PRKCB: variants seen among roughly 807,000 people sequenced by gnomAD.
PRKCB encodes protein kinase C beta.
PRKCB carries 13 observed loss-of-function variants against 81.5 expected under a neutral mutation model. The ratio of observed to expected loss-of-function variants is 0.16; its 90% CI spans 0.10 to 0.25. PRKCB has a LOEUF of 0.25. Among genes scored for constraint, PRKCB ranks in the 10% least tolerant of loss-of-function variants. The pLI is 1.00. For synonymous variants in PRKCB, 335 were observed against 321.4 expected, an observed-to-expected ratio of 1.04 and a Z score of -0.45; for missense variants, 509 against 875.7, an observed-to-expected ratio of 0.58 and a Z score of 5.29.
intron 5 of PRKCB, among the ~76,000 whole-genome samples, chr16:24,048,422 G>A (rs1360271422): frequency 6.6e-6 from 1 of 152,006 alleles, no homozygotes; most frequent in Non-Finnish European, 1.5e-5. Flanking sequence ...CTGGCACTAA[G>A]TACATCAGTG....
chr16:23,978,748 A>G (rs1232866230), intron 2 of PRKCB, among the ~76,000 whole-genome samples: 2 of 152,208 alleles, frequency 1.3e-5, no homozygotes, highest in Admixed American at 6.5e-5. Flanking sequence ...CTGCTGTCCA[A>G]TAAGACTTTC....
intron 12 of PRKCB, among the ~76,000 whole-genome samples, chr16:24,176,512 C>G (rs563633989): frequency 1.3e-5 from 2 of 152,234 alleles, no homozygotes; most frequent in African/African-American, 4.8e-5. Flanking sequence ...TGAAATGGCA[C>G]ATGGAAATCC....
intron 2 of PRKCB, among the ~76,000 whole-genome samples, chr16:23,974,072 AG>A (rs1964593672): frequency 6.6e-6 from 1 of 152,272 alleles, no homozygotes; most frequent in Non-Finnish European, 1.5e-5. Context: ...ATATTTGCTC[AG>A]GGCAGGGGGC....
rs1055326407 is a variant in PRKCB, at chr16:24,000,996, T to A, written c.288+12406T>A. On this transcript the variant is annotated intron_variant, in intron 3 of 16. Coordinates refer to ENST00000643927, the MANE Select transcript of PRKCB (RefSeq NM_002738.7). ...TAATACCTAAATAAAGCGGTTTTTT[T>A]TTTTTTGGTAACTATTCAATAGGAG... Among the ~76,000 whole-genome samples the A allele has an allele frequency of 1.5e-3, 227 of 152,244 alleles. 1 individual carries two copies. The highest frequency in any genetic ancestry group is 3.4e-3 in the Middle Eastern group (1 of 294).
chr16:24,097,323 T>C (rs760162132), intron 7 of PRKCB, among the ~76,000 whole-genome samples: 20 of 152,072 alleles, frequency 1.3e-4, no homozygotes, highest in Non-Finnish European at 2.2e-4. Context: ...GGTGTGAGCC[T>C]CCGTGCCCAG....
intron 9 of PRKCB, 68 bp from the exon 10 acceptor site, chr16:24,154,616 C>G (rs1377086945): frequency 5.3e-6 from 8 of 1,510,086 alleles, no homozygotes; most frequent in Non-Finnish European, 7.3e-6. Flanking sequence ...TACAAATGAA[C>G]ACCAGCTGCT....
At chr16:24,024,935 A>G (rs564964636) in intron 3 of PRKCB, among the ~76,000 whole-genome samples, 75 of 152,242 alleles carry the variant, frequency 4.9e-4, no homozygotes, top group African/African-American at 1.7e-3. Context: ...AGCAGGAAGG[A>G]GGAGGGAAGA....
Position 24,044,672 on chromosome 16 carries a change from T to C in PRKCB, c.529+9125T>C, listed in dbSNP as rs1276654463. 2.0e-5 allele frequency among the ~76,000 whole-genome samples: 3 copies of C among 152,182 alleles called. No homozygotes were observed. The East Asian group carries it at 5.8e-4, about 29-fold the overall frequency. ...TTTTATTGGAACACAGCCACATCCA[T>C]TCATTTATATATTATCTATGGCTGC... On this transcript the variant is annotated intron_variant, in intron 5 of 16. Coordinates refer to ENST00000643927, the MANE Select transcript of PRKCB (RefSeq NM_002738.7).
intron 10 of PRKCB, among the ~76,000 whole-genome samples, chr16:24,159,407 A>G (rs1248916510): frequency 6.6e-6 from 1 of 152,234 alleles, no homozygotes; most frequent in Non-Finnish European, 1.5e-5. Context: ...GATACAAACA[A>G]GAACAAAAAG....
intron 9 of PRKCB, among the ~76,000 whole-genome samples, chr16:24,131,891 C>T (rs1432502055): frequency 6.6e-6 from 1 of 152,124 alleles, no homozygotes. Context: ...AGCTCGATTA[C>T]CATGGTATTT....
At chr16:23,905,987 T>C (rs145548771) in intron 2 of PRKCB, among the ~76,000 whole-genome samples, 1 of 152,142 alleles carries the variant, frequency 6.6e-6, no homozygotes, top group Non-Finnish European at 1.5e-5. Flanking sequence ...CTGTTGAGAG[T>C]CTTTAGCTAT....
chr16:24,018,259 C>G (rs62029628), intron 3 of PRKCB, among the ~76,000 whole-genome samples: 3 of 151,994 alleles, frequency 2.0e-5, no homozygotes, highest in Admixed American at 2.0e-4. Flanking sequence ...CTATGTTGTC[C>G]AGGCTGGTCT....
chr16:24,102,357 C>T (rs1420443220), intron 7 of PRKCB, among the ~76,000 whole-genome samples: 2 of 152,222 alleles, frequency 1.3e-5, no homozygotes, highest in African/African-American at 2.4e-5. Flanking sequence ...AAGACATTTG[C>T]GATGCTGTCT....
At chr16:23,999,399 T>C (rs902560491) in intron 3 of PRKCB, among the ~76,000 whole-genome samples, 3 of 152,240 alleles carry the variant, frequency 2.0e-5, no homozygotes, top group Admixed American at 6.5e-5. Context: ...GCTGTTGGCA[T>C]TATCCTACAG....
intron 11 of PRKCB, 120 bp from the exon 12 acceptor site, chr16:24,174,398 A>G: frequency 1.2e-6 from 1 of 850,932 alleles, no homozygotes. Context: ...TATATAGCTG[A>G]CCATCCATGG....
intron 3 of PRKCB, among the ~76,000 whole-genome samples, chr16:23,989,680 T>C (rs907449031): frequency 5.3e-5 from 8 of 152,156 alleles, no homozygotes; most frequent in African/African-American, 1.4e-4. Flanking sequence ...AATGACAGTA[T>C]GGGTGATATA....
chr16:24,156,994 G>A (rs1361543541), intron 10 of PRKCB, among the ~76,000 whole-genome samples: 5 of 149,986 alleles, frequency 3.3e-5, no homozygotes, highest in African/African-American at 1.0e-4. Context: ...TGAATCATGG[G>A]TGACTAATGT....
chr16:24,110,112 G>A (rs28452180), intron 7 of PRKCB, among the ~76,000 whole-genome samples: 1,604 of 88,936 alleles, frequency 0.018, 2 homozygotes, highest in African/African-American at 0.046. Context: ...GAGACCGTGG[G>A]GAGAGGGAGA....
At chr16:23,922,335 A>G (rs1963837356) in intron 2 of PRKCB, among the ~76,000 whole-genome samples, 1 of 152,206 alleles carries the variant, frequency 6.6e-6, no homozygotes, top group African/African-American at 2.4e-5. Context: ...CTGTTGGAAT[A>G]TGATCCTAGG....
Sources: gnomAD v4.1 joint callset for allele counts (sites outside exome capture counted in the v4.1 genomes callset) on GRCh38, gnomAD v4.1.1 for gene constraint, MANE v1.5 for transcripts, NCBI Gene and HGNC (gene_info 2026-07-23, HGNC 2026-07-21) for gene names.